Variants in EIF4G3 observed in about 807,000 individuals in gnomAD.
EIF4G3 encodes eukaryotic translation initiation factor 4 gamma 3.
EIF4G3 carries 34 observed loss-of-function variants against 186.4 expected under a neutral mutation model. The ratio of observed to expected loss-of-function variants is 0.18; its 90% CI spans 0.14 to 0.24. The LOEUF is 0.24. EIF4G3 is among the 10% of genes least tolerant of loss of function. EIF4G3 has a pLI of 1.00. For synonymous variants in EIF4G3, 673 were observed against 679.5 expected, an observed-to-expected ratio of 0.99 and a Z score of 0.15; for missense variants, 1,536 against 1,948.5, an observed-to-expected ratio of 0.79 and a Z score of 3.99.
At chr1:20,975,615 A>G (rs1180375206) in intron 10 of EIF4G3, among the ~76,000 whole-genome samples, 1 of 149,396 alleles carries the variant, frequency 6.7e-6, no homozygotes, top group East Asian at 1.9e-4. Context: ...TACTACTAAT[A>G]TAATAGTATA....
chr1:20,817,323 G>C, intron 34 of EIF4G3, 69 bp downstream of exon 34: 1 of 1,058,670 alleles, frequency 9.4e-7, no homozygotes, highest in Non-Finnish European at 1.3e-6. Context: ...TGATAGGTAA[G>C]CGAATTAAGG....
At chr1:20,820,263 G>A (rs1254977394) in intron 33 of EIF4G3, among the ~76,000 whole-genome samples, 1 of 151,842 alleles carries the variant, frequency 6.6e-6, no homozygotes, top group Non-Finnish European at 1.5e-5. Flanking sequence ...CACAAAGCAG[G>A]CAGGGGACGG....
At chr1:20,908,864 T>C (rs555688699) in intron 14 of EIF4G3, among the ~76,000 whole-genome samples, 156 of 152,218 alleles carry the variant, frequency 1.0e-3, no homozygotes, top group African/African-American at 2.7e-3. Flanking sequence ...AGTTAGAATA[T>C]GGAGGCTGGG....
rs188302211 is a variant in EIF4G3, at chr1:20,828,258, C to T, written c.4188-560G>A. Among the ~76,000 whole-genome samples, 302 of 152,054 alleles carry T rather than the reference C, an allele frequency of 2.0e-3. 1 individual carries two copies. The highest frequency in any genetic ancestry group is 6.8e-3 in the African/African-American group (283 of 41,478). On this transcript the variant is annotated intron_variant, in intron 31 of 36. Coordinates refer to ENST00000602326, the MANE Select transcript of EIF4G3 (RefSeq NM_001391906.1). Reference sequence around the variant, plus strand: ...TGTTGGCCAGGATGGTTTTGATTTCCTGACCTTGTGATCCGCCTGCCTCGG... The same window carrying T: ...TGTTGGCCAGGATGGTTTTGATTTCTTGACCTTGTGATCCGCCTGCCTCGG...
chr1:20,966,629 C>T (rs1159567775), intron 12 of EIF4G3, among the ~76,000 whole-genome samples: 3 of 151,818 alleles, frequency 2.0e-5, no homozygotes, highest in African/African-American at 7.3e-5. Flanking sequence ...CTGCCACCAC[C>T]CCTGGCTAGT....
chr1:21,030,187 C>T (rs2092608582), intron 4 of EIF4G3, among the ~76,000 whole-genome samples: 1 of 152,124 alleles, frequency 6.6e-6, no homozygotes, highest in South Asian at 2.1e-4. Flanking sequence ...AAATTTTAGA[C>T]TTCAAGAATT....
intron 13 of EIF4G3, among the ~76,000 whole-genome samples, chr1:20,943,970 T>G (rs200859171): frequency 0.067 from 5,358 of 80,366 alleles, 501 homozygotes; most frequent in East Asian, 0.29. Flanking sequence ...TGTCTTTATT[T>G]TTTTTGTGTG....
intron 7 of EIF4G3, among the ~76,000 whole-genome samples, chr1:20,995,141 T>C (rs2082012884): frequency 6.6e-6 from 1 of 152,188 alleles, no homozygotes; most frequent in Non-Finnish European, 1.5e-5. Context: ...CACATAACTT[T>C]AAAGCTCATA....
At chr1:20,913,944 C>T (rs1210934560) in intron 14 of EIF4G3, among the ~76,000 whole-genome samples, 1 of 151,584 alleles carries the variant, frequency 6.6e-6, no homozygotes, top group Non-Finnish European at 1.5e-5. Context: ...GCAGCTGGGA[C>T]TACAGGCGCA....
intron 4 of EIF4G3, among the ~76,000 whole-genome samples, chr1:21,048,245 T>G (rs1029931538): frequency 5.9e-5 from 9 of 152,308 alleles, no homozygotes; most frequent in Admixed American, 3.9e-4. Flanking sequence ...AAATCACAAC[T>G]TGAAACAGTA....
At chr1:20,996,196 C>T (rs946817153) in intron 7 of EIF4G3, among the ~76,000 whole-genome samples, 1 of 152,142 alleles carries the variant, frequency 6.6e-6, no homozygotes, top group Non-Finnish European at 1.5e-5. Flanking sequence ...ATTTACTTTT[C>T]ATAATAGTTT....
intron 2 of EIF4G3, chr1:21,175,935 T>A (rs1454362880): frequency 4.6e-6 from 1 of 216,294 alleles, no homozygotes; most frequent in Admixed American, 5.8e-5. Context: ...AGGAAGGGGC[T>A]GCAGAAGCAT....
chr1:21,052,569 C>CCCT (rs2094289142), intron 3 of EIF4G3, among the ~76,000 whole-genome samples: 1 of 151,904 alleles, frequency 6.6e-6, no homozygotes, highest in African/African-American at 2.4e-5. Flanking sequence ...CTCTCCCTCT[C>CCCT]CCTCTCCCTC....
intron 12 of EIF4G3, among the ~76,000 whole-genome samples, chr1:20,957,669 A>G (rs1338174604): frequency 6.6e-6 from 1 of 152,192 alleles, no homozygotes; most frequent in Non-Finnish European, 1.5e-5. Context: ...AATAACCAAG[A>G]AAAGAGAGAA....
chr1:20,974,370 A>G (rs2076431611), intron 10 of EIF4G3, among the ~76,000 whole-genome samples: 1 of 152,210 alleles, frequency 6.6e-6, no homozygotes, highest in East Asian at 1.9e-4. Flanking sequence ...CTCCAGCCAA[A>G]GAGATGAAAA....
At position 20,851,262 on chromosome 1, in the gene EIF4G3, C is replaced by A. The variant is rs34661194; in HGVS notation, c.3768G>T (p.Glu1256Asp). ...STEAERNKTR[E>D]SAKPEISAMS... ...TGTTTAAGCCAAGTCTCTCACCTGA[C>A]TCCCTTGTTTTATTTCGCTCAGCCT... Residue 1256 changes from glutamate (E) to aspartate (D), a missense_variant, in exon 28 of 37, where the codon GAG becomes GAT. Coordinates refer to ENST00000602326, the MANE Select transcript of EIF4G3 (RefSeq NM_001391906.1). The A allele has an allele frequency of 5.9e-4, 959 of 1,614,080 alleles. 4 individuals carry two copies. The African/African-American group carries it at 0.01, about 17-fold the overall frequency.
chr1:21,012,999 T>G (rs1371780078), intron 4 of EIF4G3, among the ~76,000 whole-genome samples: 1 of 152,096 alleles, frequency 6.6e-6, no homozygotes, highest in Non-Finnish European at 1.5e-5. Flanking sequence ...TACCTAGAAC[T>G]AAAGCAGATT....
chr1:21,132,871 C>T (rs1046549819), intron 2 of EIF4G3, among the ~76,000 whole-genome samples: 1 of 152,120 alleles, frequency 6.6e-6, no homozygotes, highest in Non-Finnish European at 1.5e-5. Flanking sequence ...CAACTTCCGC[C>T]TCCCAGGTTC....
At chr1:20,882,342 A>C (rs2082648246) in intron 19 of EIF4G3, among the ~76,000 whole-genome samples, 8 of 151,866 alleles carry the variant, frequency 5.3e-5, no homozygotes, top group Admixed American at 5.2e-4. Flanking sequence ...TTTTAGGCCC[A>C]GGAGCAGTGG....
Sources: allele counts gnomAD v4.1 joint callset (sites outside exome capture counted in the v4.1 genomes callset), GRCh38; gene constraint gnomAD v4.1.1; transcripts MANE v1.5; gene names NCBI Gene and HGNC (gene_info 2026-07-23, HGNC 2026-07-21).